The following PCDHA1 variants were observed in gnomAD, a reference collection of about 807,000 sequenced individuals.
The protein encoded by PCDHA1 is protocadherin alpha-1.
A neutral mutation model predicts 61.3 loss-of-function variants in PCDHA1; 42 were observed. The ratio of observed to expected loss-of-function variants is 0.69; its 90% CI spans 0.54 to 0.89. The LOEUF (loss-of-function observed/expected upper bound fraction) is 0.89. Ranked by LOEUF, PCDHA1 falls within the 40% of genes least tolerant of loss-of-function variation. PCDHA1 has a pLI of 0.00. For missense variants in PCDHA1, 1,256 were observed against 1,235.3 expected, an observed-to-expected ratio of 1.02 and a Z score of -0.25; for synonymous variants, 610 against 553.8, an observed-to-expected ratio of 1.10 and a Z score of -1.43.
intron 1 of PCDHA1, among the ~76,000 whole-genome samples, chr5:140,897,650 C>T (rs1293190913): frequency 3.3e-5 from 5 of 152,036 alleles, no homozygotes; most frequent in Non-Finnish European, 7.4e-5. Context: ...AATAAACATA[C>T]GTGTGCATGT....
At chr5:140,988,483 C>T (rs2097299555) in intron 3 of PCDHA1, among the ~76,000 whole-genome samples, 2 of 152,030 alleles carry the variant, frequency 1.3e-5, no homozygotes, top group African/African-American at 4.8e-5. Context: ...AATTAGCATC[C>T]CCTACCTAGG....
At chr5:140,806,660 TA>T (rs376815629) in intron 1 of PCDHA1, among the ~76,000 whole-genome samples, 2,423 of 151,566 alleles carry the variant, frequency 0.016, 64 homozygotes, top group African/African-American at 0.054. Context: ...TTATCATTAA[TA>T]AAAAAAAACC....
chr5:140,834,178 C>A, intron 1 of PCDHA1: 1 of 557,362 alleles, frequency 1.8e-6, no homozygotes, highest in Non-Finnish European at 3.1e-6. Context: ...ACATGATGGC[C>A]ACATGATGTC....
intron 1 of PCDHA1, chr5:140,862,483 G>A (rs1433222220): frequency 1.6e-5 from 6 of 382,112 alleles, no homozygotes; most frequent in Non-Finnish European, 2.6e-5. Context: ...ATCCATTGTT[G>A]GTAATCGCTC....
chr5:141,006,680 G>A (rs1449792614), intron 3 of PCDHA1, among the ~76,000 whole-genome samples: 5 of 152,036 alleles, frequency 3.3e-5, no homozygotes, highest in African/African-American at 1.2e-4. Flanking sequence ...AGTGAAAATT[G>A]GGAGAAGAGG....
chr5:140,869,885 T>C (rs2051479155), intron 1 of PCDHA1: 7 of 1,610,426 alleles, frequency 4.3e-6, no homozygotes, highest in South Asian at 1.1e-5. Context: ...GAAACTCTTG[T>C]GCTCAAACTA....
chr5:140,879,720 G>C (rs1275273892), intron 1 of PCDHA1, among the ~76,000 whole-genome samples: 1 of 152,212 alleles, frequency 6.6e-6, no homozygotes, highest in Non-Finnish European at 1.5e-5. Flanking sequence ...TTGGAGACCA[G>C]AAGTCCAAAA....
chr5:140,941,225 T>TTC (rs2092914120), intron 1 of PCDHA1, among the ~76,000 whole-genome samples: 17 of 138,026 alleles, frequency 1.2e-4, no homozygotes, highest in African/African-American at 4.7e-4. Context: ...CTTTCTTTCT[T>TTC]TCTTTCTTTC....
chr5:140,884,731 C>T (rs2060333216), intron 1 of PCDHA1: 2 of 1,449,296 alleles, frequency 1.4e-6, no homozygotes, highest in East Asian at 4.9e-5. Flanking sequence ...TTGTTTAAGA[C>T]ATCTTTCCTG....
intron 1 of PCDHA1, among the ~76,000 whole-genome samples, chr5:140,946,059 G>GA (rs2093880331): frequency 6.6e-6 from 1 of 152,156 alleles, no homozygotes; most frequent in East Asian, 1.9e-4. Flanking sequence ...CAGAATGGGA[G>GA]AAAATATTTG....
At chr5:140,810,277 A>G in intron 1 of PCDHA1, 1 of 152,252 alleles carries the variant, frequency 6.6e-6, no homozygotes, top group East Asian at 1.9e-4. Flanking sequence ...TCTATTTCAA[A>G]TAATGCCATC....
Position 140,850,921 on chromosome 5 carries a change from T to G in PCDHA1, c.2394+62237T>G, listed in dbSNP as rs2150502315. 43 of 1,526,092 alleles carry G rather than the reference T, an allele frequency of 2.8e-5. 3 individuals carry two copies. In the African/African-American group the frequency reaches 3.6e-4, roughly 13 times the overall value. 94.5% of individuals were successfully genotyped at this position (1,526,092 alleles called of 1,614,324 possible). ...TTTTCTAGCATTTTATTTATTTATA[T>G]AATTTTTTTTCTTGAAAGATATTAT... On this transcript the variant is annotated intron_variant, in intron 1 of 3. Coordinates refer to ENST00000504120, the MANE Select transcript of PCDHA1 (RefSeq NM_018900.4).
chr5:140,804,384 G>A (rs1763385870), intron 1 of PCDHA1: 1 of 151,792 alleles, frequency 6.6e-6, no homozygotes, highest in East Asian at 1.9e-4. Flanking sequence ...TCAATATGAA[G>A]TGAAAATTTA....
intron 1 of PCDHA1, chr5:140,803,818 T>A: frequency 1.5e-6 from 1 of 662,470 alleles, no homozygotes; most frequent in Non-Finnish European, 2.5e-6. Context: ...GTTTTGTTAT[T>A]AGGTGCAGTA....
rs530563833 is a variant in PCDHA1, at chr5:140,894,957, T to A, written c.2395-83992T>A. Among the ~76,000 whole-genome samples, 18 of 152,324 alleles carry A rather than the reference T, an allele frequency of 1.2e-4. No individual in the cohort carries two copies. In the East Asian group the frequency reaches 3.3e-3, roughly 28 times the overall value. Reference sequence around the variant, plus strand: ...AGCTATTGTCATGAAATGATAAAAATATAATTTTTTAATGTCTTACTTTGT... The same window carrying A: ...AGCTATTGTCATGAAATGATAAAAAAATAATTTTTTAATGTCTTACTTTGT... On this transcript the variant is annotated intron_variant, in intron 1 of 3. Transcript: ENST00000504120.
intron 1 of PCDHA1, among the ~76,000 whole-genome samples, chr5:140,818,642 G>C (rs2150101838): frequency 0.058 from 8,885 of 152,208 alleles, 858 homozygotes; most frequent in African/African-American, 0.2. Context: ...TTCAAGATGA[G>C]CCTGAGCAAT....
At chr5:140,927,265 C>T in intron 1 of PCDHA1, 1 of 1,614,168 alleles carries the variant, frequency 6.2e-7, no homozygotes. Context: ...ACCTCTCTTT[C>T]CTGCCGGCGA....
chr5:140,906,252 C>A (rs1376694912), intron 1 of PCDHA1, among the ~76,000 whole-genome samples: 1 of 152,180 alleles, frequency 6.6e-6, no homozygotes, highest in African/African-American at 2.4e-5. Context: ...AACCCATACA[C>A]ACCTCCTGAA....
Position 140,808,113 on chromosome 5 carries a change from A to C in PCDHA1, c.2394+19429A>C, listed in dbSNP as rs782066312. 6.2e-6 allele frequency: 10 copies of C among 1,613,798 alleles called. No homozygotes were observed. The Admixed American group carries it at 6.7e-5, about 11-fold the overall frequency. ...CAAATTATTGTAAAGGGATATATTG[A>C]CTTTGAAGAAAGCAAATCCTATGAA... On this transcript the variant is annotated intron_variant, in intron 1 of 3. Transcript: ENST00000504120.
Sources: gnomAD v4.1 joint callset for allele counts (sites outside exome capture counted in the v4.1 genomes callset) on GRCh38, gnomAD v4.1.1 for gene constraint, MANE v1.5 for transcripts, NCBI Gene and HGNC (gene_info 2026-07-23, HGNC 2026-07-21) for gene names.